The following GPCPD1 variants were observed in gnomAD, a reference collection of about 807,000 sequenced individuals.
GPCPD1 encodes glycerophosphocholine phosphodiesterase GPCPD1.
GPCPD1 carries 29 observed loss-of-function variants against 89.2 expected under a neutral mutation model. That is an observed-to-expected ratio of 0.33 (90% CI 0.24 to 0.44). GPCPD1 has a LOEUF of 0.44. Among genes scored for constraint, GPCPD1 ranks in the 20% least tolerant of loss-of-function variants. GPCPD1 has a pLI of 1.00. For synonymous variants in GPCPD1, 258 were observed against 266.3 expected (o/e 0.97, Z 0.30); for missense variants, 594 against 808.9 (o/e 0.73, Z 3.22).
chr20:5,569,406 C>T (rs1260137783), intron 12 of GPCPD1, among the ~76,000 whole-genome samples: 2 of 151,970 alleles, frequency 1.3e-5, no homozygotes, highest in African/African-American at 2.4e-5. Flanking sequence ...AGTATACTGA[C>T]GTTTAGGGAC....
rs572779574 is a variant in GPCPD1, at chr20:5,603,712, A to G, written c.49+652T>C. ...AAAAACATATTCACACATAGGAACA[A>G]GGTTATCCCAGCCAATTGTTTCACC... On this transcript the variant is annotated intron_variant, in intron 2 of 19. Transcript: ENST00000379019. 3.9e-5 allele frequency among the ~76,000 whole-genome samples: 6 copies of G among 152,058 alleles called. No homozygotes were observed. The South Asian group carries it at 8.3e-4, about 21-fold the overall frequency.
intron 11 of GPCPD1, among the ~76,000 whole-genome samples, chr20:5,573,449 T>C (rs1600744196): frequency 1.3e-5 from 2 of 152,174 alleles, no homozygotes; most frequent in South Asian, 2.1e-4. Context: ...CCACTAAGCA[T>C]TGGTTTTCAC....
intron 7 of GPCPD1, 23 bp from the exon 8 acceptor site, chr20:5,578,634 A>C (rs781778391): frequency 1.3e-5 from 18 of 1,432,188 alleles, no homozygotes; most frequent in Non-Finnish European, 1.7e-5. Context: ...CAAAATAATG[A>C]GATGCAAGAA....
Position 5,546,808 on chromosome 20 carries a change from A to AAT in GPCPD1, c.*851_*852dup. On this transcript the variant is annotated 3_prime_UTR_variant, in exon 20 of 20. Coordinates refer to ENST00000379019, the MANE Select transcript of GPCPD1 (RefSeq NM_019593.5). ...ACAGCCTTTTTTTTTTAGGCAACAA[A>AAT]ATACGTCCAGTCCTTGACATCTTCT... The AAT allele has an allele frequency of 6.6e-6, 1 of 152,656 alleles. No individual in the cohort carries two copies. Among genetic ancestry groups the AAT allele is most frequent in the East Asian group, 1.9e-4 (1 of 5,194 alleles). The allele number at this position is 152,656 out of a possible 1,614,324, so 9.5% of individuals were successfully genotyped here. A position where few individuals can be genotyped will look rare whatever the true frequency, so the allele number is the denominator to read the frequency against.
chr20:5,561,710 T>C (rs1178093032), intron 15 of GPCPD1, among the ~76,000 whole-genome samples, 180 bp from the exon 16 acceptor site: 1 of 152,234 alleles, frequency 6.6e-6, no homozygotes, highest in African/African-American at 2.4e-5. Flanking sequence ...TGGTAGATGA[T>C]TATGTTAAAT....
At chr20:5,561,188 A>C (rs1986057623) in intron 16 of GPCPD1, among the ~76,000 whole-genome samples, 2 of 152,354 alleles carry the variant, frequency 1.3e-5, no homozygotes, top group South Asian at 4.1e-4. Context: ...GTGACTATCC[A>C]CTTTATAAGT....
At chr20:5,575,093 G>GA (rs1481155259) in intron 10 of GPCPD1, among the ~76,000 whole-genome samples, 1 of 149,266 alleles carries the variant, frequency 6.7e-6, no homozygotes, top group Non-Finnish European at 1.5e-5. Flanking sequence ...TATAGATGCG[G>GA]AAACTCAGAC....
At chr20:5,588,009 A>G (rs954965919) in intron 4 of GPCPD1, among the ~76,000 whole-genome samples, 1 of 152,198 alleles carries the variant, frequency 6.6e-6, no homozygotes, top group Non-Finnish European at 1.5e-5. Flanking sequence ...CTTCCCTGCT[A>G]TAATAGTTCA....
At chr20:5,555,210 A>G (rs1299287569) in intron 19 of GPCPD1, among the ~76,000 whole-genome samples, 7 of 152,234 alleles carry the variant, frequency 4.6e-5, no homozygotes, top group Non-Finnish European at 1.5e-5. Flanking sequence ...AAGCAGCAGC[A>G]GGGTTTGAGA....
In GPCPD1 at chr20:5,582,186, CAAAAAAAAAAAAA is replaced by C. The variant is rs1164754193; in HGVS notation, c.350-2068_350-2056del. On this transcript the variant is annotated intron_variant, in intron 6 of 19. Transcript: ENST00000379019. The stretch of plus-strand genomic sequence containing the variant: ...GGGCGACAGAGCGAGACTCCCGTCT[CAAAAAAAAAAAAA>C]AAAAAAAAAAAAAAAAAAAACTACT... Among the ~76,000 whole-genome samples, 316 of 36,280 alleles carry C rather than the reference CAAAAAAAAAAAAA, an allele frequency of 8.7e-3. 1 individual carries two copies. Among genetic ancestry groups the C allele is most frequent in the Non-Finnish European group, 0.012 (270 of 21,794 alleles). The allele number at this position is 36,280 out of a possible 152,430, so 23.8% of individuals were successfully genotyped here. A position where few individuals can be genotyped will look rare whatever the true frequency, so the allele number is the denominator to read the frequency against.
intron 9 of GPCPD1, 86 bp from the exon 10 acceptor site, chr20:5,575,631 A>T (rs967112410): frequency 9.3e-6 from 9 of 963,972 alleles, no homozygotes; most frequent in South Asian, 1.6e-5. Context: ...ATACCACTCA[A>T]GTCAGCTTTA....
chr20:5,604,232 C>T, intron 2 of GPCPD1, 132 bp downstream of exon 2: 1 of 605,298 alleles, frequency 1.7e-6, no homozygotes, highest in Non-Finnish European at 3.0e-6. Context: ...TTTCTGCTGT[C>T]AGGCAAGACC....
chr20:5,595,812 G>A (rs970646233), intron 3 of GPCPD1, among the ~76,000 whole-genome samples: 66 of 151,832 alleles, frequency 4.3e-4, no homozygotes, highest in African/African-American at 1.6e-3. Context: ...AAAAAGGGGG[G>A]GGGACAAATT....
Position 5,610,980 on chromosome 20 carries a change from A to C in GPCPD1, c.-167T>G, listed in dbSNP as rs1980942318. ...GCGGCCTGCCGCGGCGTCGAGCGGC[A>C]GGAAGCAGCCACGCTCAAACCGGTT... On this transcript the variant is annotated 5_prime_UTR_variant, in exon 1 of 20. Transcript: ENST00000379019. The C allele has an allele frequency of 6.6e-6, 1 of 151,886 alleles. No homozygotes were observed. The highest frequency in any genetic ancestry group is 2.4e-5 in the African/African-American group (1 of 41,384). The allele number at this position is 151,886 out of a possible 1,614,324, so 9.4% of individuals were successfully genotyped here.
In GPCPD1 at chr20:5,586,115, T is replaced by C. The variant is rs1978903677; in HGVS notation, c.307+79A>G. 3 of 648,004 alleles carry C rather than the reference T, an allele frequency of 4.6e-6. No individual in the cohort carries two copies. In the South Asian group the frequency reaches 6.3e-5, roughly 14 times the overall value. The allele number at this position is 648,004 out of a possible 1,614,324, so 40.1% of individuals were successfully genotyped here. ...ACCTTAACTTTAGAATAAAAATTTA[T>C]TAAATCCCACTAAGCCATTGTGCAG... On this transcript the variant is annotated intron_variant, in intron 5 of 19. Coordinates refer to ENST00000379019, the MANE Select transcript of GPCPD1 (RefSeq NM_019593.5).
intron 10 of GPCPD1, among the ~76,000 whole-genome samples, chr20:5,574,408 A>T (rs114567046): frequency 6.6e-6 from 1 of 152,162 alleles, no homozygotes; most frequent in Non-Finnish European, 1.5e-5. Flanking sequence ...CTCTATTCAT[A>T]ATAAGAACAG....
intron 3 of GPCPD1, among the ~76,000 whole-genome samples, chr20:5,596,185 G>A (rs377328618): frequency 9.2e-5 from 14 of 152,134 alleles, no homozygotes; most frequent in African/African-American, 3.4e-4. Flanking sequence ...GGCAGCTTGA[G>A]CCAGGAGTTC....
chr20:5,568,292 A>G (rs945757617), intron 12 of GPCPD1, among the ~76,000 whole-genome samples: 1 of 145,786 alleles, frequency 6.9e-6, no homozygotes, highest in African/African-American at 2.6e-5. Context: ...ATATTCATTC[A>G]TATGCATTGG....
intron 2 of GPCPD1, 25 bp downstream of exon 2, chr20:5,604,339 T>C (rs766198900): frequency 8.3e-7 from 1 of 1,197,654 alleles, no homozygotes; most frequent in Admixed American, 1.9e-5. Context: ...ATTTTAATTG[T>C]TTTAAAGTAA....
Sources: gnomAD v4.1 joint callset for allele counts (sites outside exome capture counted in the v4.1 genomes callset) on GRCh38, gnomAD v4.1.1 for gene constraint, MANE v1.5 for transcripts, NCBI Gene and HGNC (gene_info 2026-07-23, HGNC 2026-07-21) for gene names.